CCDC178: variants seen among roughly 807,000 people sequenced by gnomAD.
The protein encoded by CCDC178 is coiled-coil domain containing 178.
In CCDC178, 126 loss-of-function variants were observed where a neutral mutation model predicts 117.4. That is an observed-to-expected ratio of 1.07 (90% CI 0.93 to 1.24). The LOEUF (loss-of-function observed/expected upper bound fraction) is 1.24, where lower values mean the gene tolerates loss of function less well. CCDC178 is among the 50% of genes most tolerant of loss of function. The pLI is 0.00. For synonymous variants in CCDC178, 283 were observed against 313.4 expected, an observed-to-expected ratio of 0.90 and a Z score of 1.02; for missense variants, 1,030 against 986.9, an observed-to-expected ratio of 1.04 and a Z score of -0.59.
At chr18:33,162,657 C>A (rs994648036) in intron 20 of CCDC178, among the ~76,000 whole-genome samples, 7 of 152,144 alleles carry the variant, frequency 4.6e-5, no homozygotes, top group Middle Eastern at 3.2e-3. Context: ...CCATTTAGCT[C>A]CCATTTATAA....
chr18:32,941,488 G>T (rs907649216), intron 22 of CCDC178, among the ~76,000 whole-genome samples: 1 of 151,994 alleles, frequency 6.6e-6, no homozygotes, highest in African/African-American at 2.4e-5. Context: ...AGATATATTG[G>T]CAAGTTAGCA....
rs552890877 is a variant in CCDC178, at chr18:33,323,849, G to T, written c.880-216C>A. ...TGAACAAAATAATTTCAATATCCAAGTTAACATGTCCAAAATGAAATCATT... is the reference window on the plus strand; with the variant it reads ...TGAACAAAATAATTTCAATATCCAATTTAACATGTCCAAAATGAAATCATT... On this transcript the variant is annotated intron_variant, in intron 10 of 22. Transcript: ENST00000383096. Among the ~76,000 whole-genome samples the T allele has an allele frequency of 6.5e-4, 99 of 151,750 alleles. 1 individual carries two copies. Among genetic ancestry groups the T allele is most frequent in the African/African-American group, 2.3e-3 (95 of 41,504 alleles).
At chr18:33,214,976 A>G (rs1366909124) in intron 19 of CCDC178, among the ~76,000 whole-genome samples, 4 of 152,006 alleles carry the variant, frequency 2.6e-5, no homozygotes, top group Admixed American at 6.6e-5. Context: ...AATGAGAAGC[A>G]AAATGAGTAA....
intron 22 of CCDC178, among the ~76,000 whole-genome samples, chr18:32,948,819 T>G (rs552688302): frequency 6.6e-6 from 1 of 152,224 alleles, no homozygotes; most frequent in Non-Finnish European, 1.5e-5. Context: ...CACATATTCC[T>G]TCATGTCATT....
At chr18:33,156,596 T>G (rs1352841434) in intron 20 of CCDC178, among the ~76,000 whole-genome samples, 2 of 148,744 alleles carry the variant, frequency 1.3e-5, no homozygotes, top group Non-Finnish European at 3.0e-5. Context: ...AGAGCTCTTA[T>G]TTTCTCCATT....
At chr18:33,103,332 G>A (rs1317690473) in intron 20 of CCDC178, among the ~76,000 whole-genome samples, 1 of 151,420 alleles carries the variant, frequency 6.6e-6, no homozygotes, top group Non-Finnish European at 1.5e-5. Context: ...CTCCCAACAG[G>A]TCCCTCCCAC....
At chr18:33,360,223 G>T (rs1384016405) in intron 6 of CCDC178, among the ~76,000 whole-genome samples, 1 of 149,878 alleles carries the variant, frequency 6.7e-6, no homozygotes, top group Non-Finnish European at 1.5e-5. Context: ...TCCACTCCTA[G>T]GTATATACTC....
At chr18:33,375,027 G>A (rs954395036) in intron 5 of CCDC178, among the ~76,000 whole-genome samples, 2 of 152,052 alleles carry the variant, frequency 1.3e-5, no homozygotes, top group African/African-American at 4.8e-5. Context: ...CAGTGTTTGG[G>A]GTGGTGGTTA....
chr18:33,050,564 C>G (rs2144924790), intron 21 of CCDC178, among the ~76,000 whole-genome samples: 1 of 152,254 alleles, frequency 6.6e-6, no homozygotes, highest in African/African-American at 2.4e-5. Flanking sequence ...AACAAACAAA[C>G]AAACCCAAGC....
At chr18:33,273,509 A>T (rs1239477907) in intron 12 of CCDC178, among the ~76,000 whole-genome samples, 2 of 151,692 alleles carry the variant, frequency 1.3e-5, no homozygotes, top group Non-Finnish European at 3.0e-5. Context: ...TACTGGCATA[A>T]GGAAAGACAT....
At chr18:33,049,879 C>T (rs983657782) in intron 21 of CCDC178, among the ~76,000 whole-genome samples, 1 of 151,102 alleles carries the variant, frequency 6.6e-6, no homozygotes, top group African/African-American at 2.5e-5. Context: ...GTAAGGAGTT[C>T]GAGACCAGCC....
At chr18:33,143,112 G>A (rs1189824961) in intron 20 of CCDC178, among the ~76,000 whole-genome samples, 1 of 152,170 alleles carries the variant, frequency 6.6e-6, no homozygotes, top group Non-Finnish European at 1.5e-5. Context: ...GAAAGACTCA[G>A]AGAGGGATAT....
intron 22 of CCDC178, among the ~76,000 whole-genome samples, chr18:32,946,892 G>T (rs1051177764): frequency 4.0e-5 from 6 of 151,590 alleles, no homozygotes; most frequent in African/African-American, 1.5e-4. Context: ...CCATTCTCCT[G>T]TCTTAGCCTC....
intron 20 of CCDC178, among the ~76,000 whole-genome samples, chr18:33,097,204 C>A (rs1260601611): frequency 6.6e-6 from 1 of 152,098 alleles, no homozygotes; most frequent in Non-Finnish European, 1.5e-5. Context: ...TTCTGCCTGG[C>A]CCTCTCTTTG....
At chr18:33,107,969 C>G (rs1456188716) in intron 20 of CCDC178, among the ~76,000 whole-genome samples, 1 of 151,670 alleles carries the variant, frequency 6.6e-6, no homozygotes, top group Non-Finnish European at 1.5e-5. Flanking sequence ...GATCTTGGCT[C>G]TTTGGGCAAC....
chr18:32,985,808 A>C (rs1167278570), intron 21 of CCDC178, among the ~76,000 whole-genome samples: 3 of 152,050 alleles, frequency 2.0e-5, no homozygotes, highest in African/African-American at 7.2e-5. Flanking sequence ...CAGTAGAAGG[A>C]AGGATCACTG....
chr18:33,019,539 T>G (rs921850904), intron 21 of CCDC178, among the ~76,000 whole-genome samples: 6 of 152,214 alleles, frequency 3.9e-5, no homozygotes, highest in Non-Finnish European at 7.3e-5. Context: ...TCTTCACTCT[T>G]GCATAAGGCA....
At chr18:33,429,511 C>G (rs2064175672) in intron 2 of CCDC178, among the ~76,000 whole-genome samples, 1 of 152,044 alleles carries the variant, frequency 6.6e-6, no homozygotes, top group Non-Finnish European at 1.5e-5. Context: ...TAGAGACATG[C>G]AAACTGCAAA....
At chr18:33,049,475 G>C (rs1368910860) in intron 21 of CCDC178, among the ~76,000 whole-genome samples, 1 of 151,816 alleles carries the variant, frequency 6.6e-6, no homozygotes, top group Non-Finnish European at 1.5e-5. Flanking sequence ...ACCCTGTTTT[G>C]TTTAAATTTT....
Sources: gnomAD v4.1 joint callset for allele counts (sites outside exome capture counted in the v4.1 genomes callset) on GRCh38, gnomAD v4.1.1 for gene constraint, MANE v1.5 for transcripts, NCBI Gene and HGNC (gene_info 2026-07-23, HGNC 2026-07-21) for gene names.